Variants in PLBD2 observed in about 807,000 individuals in gnomAD.
The protein encoded by PLBD2 is putative aminopeptidase PLBD2.
PLBD2 carries 51 observed loss-of-function variants against 68.3 expected under a neutral mutation model. That is an observed-to-expected ratio of 0.75 (90% CI 0.60 to 0.94). The LOEUF is 0.94. Ranked by LOEUF, PLBD2 falls within the 40% of genes least tolerant of loss-of-function variation. The pLI, the probability that PLBD2 is intolerant of heterozygous loss-of-function variation, is 0.00. For synonymous variants in PLBD2, 314 were observed against 339.3 expected (o/e 0.93, Z 0.82); for missense variants, 729 against 792.2 (o/e 0.92, Z 0.96).
rs758721240 is a variant in PLBD2, at chr12:113,384,897, G to A, written c.1165G>A (p.Gly389Ser). The change falls in exon 8 of 12, where the codon GGT (glycine) becomes AGT (serine). Residue 389 changes from glycine (G) to serine (S), a missense_variant. Physicochemically the swap from Gly to Ser is moderately conservative, Grantham distance 56. Transcript: ENST00000280800. The surrounding 1 kb of genome is among the most constrained non-coding windows in gnomAD (Gnocchi z 4.2). Reference sequence around the variant, plus strand: ...CGTGGACTACAAGGCGTTCATCCCGGGTGGGCCCAGCCCCGGGAGCCGGGT... The same window carrying A: ...CGTGGACTACAAGGCGTTCATCCCGAGTGGGCCCAGCCCCGGGAGCCGGGT... ...MIVDYKAFIP[G>S]GPSPGSRVLT... 1.2e-6 allele frequency: 2 copies of A among 1,614,026 alleles called. No homozygotes were observed. Among genetic ancestry groups the A allele is most frequent in the Non-Finnish European group, 8.5e-7 (1 of 1,180,028 alleles).
chr12:113,385,194 CTCTCT>C lies in PLBD2; in HGVS notation c.1215-13_1215-9del, dbSNP rs1565865019. The C allele has an allele frequency of 1.9e-6, 3 of 1,613,838 alleles. No individual in the cohort carries two copies. Among genetic ancestry groups the C allele is most frequent in the Non-Finnish European group, 2.5e-6 (3 of 1,179,742 alleles). On this transcript the variant is annotated splice_polypyrimidine_tract_variant and intron_variant, in intron 8 of 11. Transcript: ENST00000280800. ...CCTTTTCTGATCACCTCCACCCCATCTCTCTTCTCGGTCTCAGCGGCATGGTGGTG... is the reference window on the plus strand; with the variant it reads ...CCTTTTCTGATCACCTCCACCCCATCTCTCGGTCTCAGCGGCATGGTGGTG...
intron 2 of PLBD2, among the ~76,000 whole-genome samples, chr12:113,371,341 A>G (rs942538815): frequency 1.3e-5 from 2 of 152,244 alleles, no homozygotes; most frequent in Admixed American, 1.3e-4. Context: ...GTGGAGGTGC[A>G]CAGTGCAGCA....
chr12:113,358,656 G>GGGCGCTGGCGCTGGCCCT lies in PLBD2; in HGVS notation c.59_76dup (p.Ala20_Leu25dup). ...AGCCACCTGGCCCGGGCGCTGACGC[G>GGGCGCTGGCGCTGGCCCT]GGCGCTGGCGCTGGCCCTGGTGCTG... On this transcript the variant is annotated inframe_insertion, in exon 1 of 12. Transcript: ENST00000280800. 1 of 1,461,680 alleles carries GGGCGCTGGCGCTGGCCCT rather than the reference G, an allele frequency of 6.8e-7. No individual in the cohort carries two copies. The highest frequency in any genetic ancestry group is 9.0e-7 in the Non-Finnish European group (1 of 1,113,882). 90.5% of individuals were successfully genotyped at this position (1,461,680 alleles called of 1,614,324 possible).
rs1161472994 is a variant in PLBD2 at position 113,389,043 on chromosome 12, G to A, written c.*417G>A. ...CCTTCTCCCAGCTGCATTCCCACGGGTGGCCCTGGAGCTGGTGAGCTTTGT... is the reference window on the plus strand; with the variant it reads ...CCTTCTCCCAGCTGCATTCCCACGGATGGCCCTGGAGCTGGTGAGCTTTGT... On this transcript the variant is annotated 3_prime_UTR_variant, in exon 12 of 12. Coordinates refer to ENST00000280800, the MANE Select transcript of PLBD2 (RefSeq NM_173542.4). The A allele has an allele frequency of 1.3e-5, 2 of 156,664 alleles. No individual in the cohort carries two copies. Among genetic ancestry groups the A allele is most frequent in the Non-Finnish European group, 2.8e-5 (2 of 71,308 alleles). 9.7% of individuals were successfully genotyped at this position (156,664 alleles called of 1,614,324 possible).
intron 1 of PLBD2, among the ~76,000 whole-genome samples, chr12:113,364,027 G>T (rs779556060): frequency 6.6e-6 from 1 of 152,284 alleles, no homozygotes; most frequent in Admixed American, 6.5e-5. Flanking sequence ...CATGCAGTCC[G>T]CTATGGCATG....
chr12:113,372,417 C>G lies in PLBD2; in HGVS notation c.385-232C>G, dbSNP rs1957397186. ...TCCCCAGTAGCAGAGGTGGTGCCAT[C>G]AGTTATAGGCTTTGCAGGCTAAAGG... On this transcript the variant is annotated intron_variant, in intron 2 of 11. Transcript: ENST00000280800. The surrounding 1 kb of genome is among the most constrained non-coding windows in gnomAD (Gnocchi z 4.2). 6.6e-6 allele frequency among the ~76,000 whole-genome samples: 1 copy of G among 152,082 alleles called. No individual in the cohort carries two copies. Among genetic ancestry groups the G allele is most frequent in the African/African-American group, 2.4e-5 (1 of 41,426 alleles).
At chr12:113,363,057 A>C (rs1957309758) in intron 1 of PLBD2, among the ~76,000 whole-genome samples, 1 of 151,996 alleles carries the variant, frequency 6.6e-6, no homozygotes, top group East Asian at 1.9e-4. Context: ...CAGCCTCCCA[A>C]AGTGCTGGGA....
chr12:113,388,002 G>A lies in PLBD2; in HGVS notation c.1602+96G>A, dbSNP rs1593293603. ...AGGTTGGGGCAAAGCTGATGGCGGGGCAGGAATCACAGTCGGAATTGGGCT... is the reference window on the plus strand; with the variant it reads ...AGGTTGGGGCAAAGCTGATGGCGGGACAGGAATCACAGTCGGAATTGGGCT... On this transcript the variant is annotated intron_variant, in intron 11 of 11. Coordinates refer to ENST00000280800, the MANE Select transcript of PLBD2 (RefSeq NM_173542.4). 4 of 1,453,858 alleles carry A rather than the reference G, an allele frequency of 2.8e-6. No individual in the cohort carries two copies. The South Asian group carries it at 3.7e-5, about 13-fold the overall frequency. The allele number at this position is 1,453,858 out of a possible 1,614,324, so 90.1% of individuals were successfully genotyped here. A position where few individuals can be genotyped will look rare whatever the true frequency, so the allele number is the denominator to read the frequency against.
At chr12:113,373,860 A>C in intron 3 of PLBD2, among the ~76,000 whole-genome samples, 1 of 142,204 alleles carries the variant, frequency 7.0e-6, no homozygotes, top group African/African-American at 2.7e-5. Flanking sequence ...ACATACATAC[A>C]TCCACCCACC....
Position 113,384,177 on chromosome 12 carries a change from C to A in PLBD2, c.1030C>A (p.Leu344Met). 1 of 1,614,004 alleles carries A rather than the reference C, an allele frequency of 6.2e-7. No individual in the cohort carries two copies. The highest frequency in any genetic ancestry group is 8.5e-7 in the Non-Finnish European group (1 of 1,180,002). Residue 344 changes from leucine (L) to methionine (M), a missense_variant, in exon 7 of 12, where the codon CTG becomes ATG. Physicochemically the swap from Leu to Met is conservative, Grantham distance 15 (BLOSUM62 2). Transcript: ENST00000280800. The surrounding 1 kb of genome is among the most constrained non-coding windows in gnomAD (Gnocchi z 4.2). Reference protein sequence around the residue: ...WKYVRPRGCVLEWVRNIVANR... With the variant: ...WKYVRPRGCVMEWVRNIVANR... ...GTATGTGCGGCCCAGGGGCTGTGTG[C>A]TGGAGTGGGTACGCAACATCGTGGC... is the stretch of plus-strand genomic sequence containing the variant.
chr12:113,386,928 C>A lies in PLBD2; in HGVS notation c.1287-9C>A, dbSNP rs755639876. 4.5e-5 allele frequency: 73 copies of A among 1,612,566 alleles called. No individual in the cohort carries two copies. The highest frequency in any genetic ancestry group is 5.2e-5 in the Non-Finnish European group (61 of 1,179,466). Reference sequence around the variant, plus strand: ...GGGGGTCATGGGTGACCATCCTTGTCCCCGGCAGGTCCTTCGAGACTGTGT... The same window carrying A: ...GGGGGTCATGGGTGACCATCCTTGTACCCGGCAGGTCCTTCGAGACTGTGT... On this transcript the variant is annotated splice_polypyrimidine_tract_variant and intron_variant, in intron 9 of 11. Transcript: ENST00000280800.
At chr12:113,377,668 C>G (rs995531356) in intron 5 of PLBD2, among the ~76,000 whole-genome samples, 14 of 152,288 alleles carry the variant, frequency 9.2e-5, no homozygotes, top group South Asian at 2.1e-4. Flanking sequence ...TCAAGTGATC[C>G]AACCGCCTGT....
At position 113,380,333 on chromosome 12, in the gene PLBD2, C is replaced by T. The variant is rs1391138431; in HGVS notation, c.860-412C>T. On this transcript the variant is annotated intron_variant, in intron 5 of 11. Coordinates refer to ENST00000280800, the MANE Select transcript of PLBD2 (RefSeq NM_173542.4). ...TTGTATTTTTAGTAGAGACGGGTTT[C>T]ACCGTGTTAGCCAGGATGGTCTTGG... Among the ~76,000 whole-genome samples, 6 of 152,242 alleles carry T rather than the reference C, an allele frequency of 3.9e-5. No homozygotes were observed. The South Asian group carries it at 8.3e-4, about 21-fold the overall frequency.
rs368169378 is a variant in PLBD2 at position 113,369,090 on chromosome 12, C to T, written c.291-26C>T. The T allele has an allele frequency of 1.9e-5, 30 of 1,538,854 alleles. No individual in the cohort carries two copies. The African/African-American group carries it at 2.9e-4, about 15-fold the overall frequency. On this transcript the variant is annotated intron_variant, in intron 1 of 11. Transcript: ENST00000280800. ...TCTAGCTGGGGGCCTCTGCTGCTGACTGAGTGTCCCCTCCTTCCCCTCCAG... is the reference window on the plus strand; with the variant it reads ...TCTAGCTGGGGGCCTCTGCTGCTGATTGAGTGTCCCCTCCTTCCCCTCCAG...
chr12:113,381,524 G>C (rs900975369), intron 6 of PLBD2, among the ~76,000 whole-genome samples: 7 of 152,154 alleles, frequency 4.6e-5, no homozygotes, highest in African/African-American at 1.7e-4. Context: ...CTGCGGGGAC[G>C]GGAGGGGTGG....
chr12:113,384,375 C>T lies in PLBD2; in HGVS notation c.1118+110C>T. The T allele has an allele frequency of 7.4e-7, 1 of 1,344,990 alleles. No homozygotes were observed. The highest frequency in any genetic ancestry group is 1.0e-6 in the Non-Finnish European group (1 of 993,272). The allele number at this position is 1,344,990 out of a possible 1,614,324, so 83.3% of individuals were successfully genotyped here. A position where few individuals can be genotyped will look rare whatever the true frequency, so the allele number is the denominator to read the frequency against. ...GATGTGGCATCCGGGCCACACACCC[C>T]ACGCCCTCCTTTGTTTCATACATGG... is the stretch of plus-strand genomic sequence containing the variant. On this transcript the variant is annotated intron_variant, in intron 7 of 11. Transcript: ENST00000280800. This position sits in a 1 kb window ranked among gnomAD's most constrained non-coding sequence, Gnocchi z 4.2.
Position 113,384,337 on chromosome 12 carries a change from C to T in PLBD2, c.1118+72C>T. On this transcript the variant is annotated intron_variant, in intron 7 of 11. Coordinates refer to ENST00000280800, the MANE Select transcript of PLBD2 (RefSeq NM_173542.4). This position sits in a 1 kb window ranked among gnomAD's most constrained non-coding sequence, Gnocchi z 4.2. ...ACCAACCTCCCCTTTAACACTCACA[C>T]TCCTGGGGACCAGATGTGGCATCCG... 5 of 1,518,406 alleles carry T rather than the reference C, an allele frequency of 3.3e-6. No individual in the cohort carries two copies. In the South Asian group the frequency reaches 6.3e-5, roughly 19 times the overall value. The allele number at this position is 1,518,406 out of a possible 1,614,324, so 94.1% of individuals were successfully genotyped here.
intron 1 of PLBD2, among the ~76,000 whole-genome samples, chr12:113,361,386 C>T (rs374579856): frequency 4.4e-5 from 6 of 136,180 alleles, no homozygotes; most frequent in South Asian, 4.7e-4. Context: ...GTTATCCAGG[C>T]TCGAGTGCAG....
chr12:113,370,553 T>C (rs562768054), intron 2 of PLBD2, among the ~76,000 whole-genome samples: 51 of 148,628 alleles, frequency 3.4e-4, no homozygotes, highest in African/African-American at 1.1e-3. Context: ...CTTGGCTTAC[T>C]GCAACCTCTG....
Sources: allele counts gnomAD v4.1 joint callset (sites outside exome capture counted in the v4.1 genomes callset), GRCh38; gene constraint gnomAD v4.1.1; non-coding constraint Gnocchi (gnomAD v3.1); transcripts MANE v1.5; gene names NCBI Gene and HGNC (gene_info 2026-07-23, HGNC 2026-07-21).